NDUFAF2: variants seen among roughly 807,000 people sequenced by gnomAD.
The protein encoded by NDUFAF2 is NADH:ubiquinone oxidoreductase complex assembly factor 2, also known as NADH dehydrogenase [ubiquinone] 1 alpha subcomplex assembly factor 2.
A neutral mutation model predicts 22.8 loss-of-function variants in NDUFAF2; 13 were observed. That is an observed-to-expected ratio of 0.57 (90% confidence interval 0.37 to 0.91). NDUFAF2 has a LOEUF of 0.91. Among genes scored for constraint, NDUFAF2 ranks in the 40% least tolerant of loss-of-function variants. NDUFAF2 has a pLI of 0.01. For missense variants in NDUFAF2, 162 were observed against 195.2 expected (o/e 0.83, Z 1.01); for synonymous variants, 53 against 64.2 (o/e 0.83, Z 0.84).
intron 3 of NDUFAF2, among the ~76,000 whole-genome samples, 185 bp from the exon 4 acceptor site, chr5:61,152,515 TTATG>T (rs1416290841): frequency 2.0e-5 from 3 of 152,146 alleles, no homozygotes; most frequent in East Asian, 3.8e-4. Context: ...ACAGAACTGT[TTATG>T]TAACATTAGT....
In NDUFAF2 at chr5:61,143,993, T is replaced by A. The variant is rs1741095779; in HGVS notation, c.259-8711T>A. 1.3e-5 allele frequency among the ~76,000 whole-genome samples: 2 copies of A among 151,426 alleles called. 1 individual carries two copies. Among genetic ancestry groups the A allele is most frequent in the East Asian group, 3.9e-4 (2 of 5,176 alleles). ...GTGTGTGTGTGTGTGTGTGTGTGTG[T>A]GTGTGTGTGTGTGTGTTCAACCTGC... On this transcript the variant is annotated intron_variant, in intron 3 of 3. Transcript: ENST00000296597.
intron 1 of NDUFAF2, among the ~76,000 whole-genome samples, chr5:61,063,103 C>CATGT (rs978897519): frequency 2.6e-5 from 4 of 152,038 alleles, no homozygotes; most frequent in African/African-American, 9.7e-5. Flanking sequence ...ATCATGAAAA[C>CATGT]ATGTGAAAGT....
At chr5:60,974,791 GTGTT>G (rs140507420) in intron 1 of NDUFAF2, among the ~76,000 whole-genome samples, 1,696 of 152,174 alleles carry the variant, frequency 0.011, 11 homozygotes, top group Middle Eastern at 0.024. Flanking sequence ...ACTGAGATTT[GTGTT>G]TGTTTGTTTG....
Position 61,132,955 on chromosome 5 carries a change from G to A in NDUFAF2, c.259-19749G>A, listed in dbSNP as rs1399262656. Reference sequence around the variant, plus strand: ...CTTCTCCAATCCCATAATAAGAAGGGAAAAGCTTGCACTGTCTTCATAATG... The same window carrying A: ...CTTCTCCAATCCCATAATAAGAAGGAAAAAGCTTGCACTGTCTTCATAATG... On this transcript the variant is annotated intron_variant, in intron 3 of 3. Coordinates refer to ENST00000296597, the MANE Select transcript of NDUFAF2 (RefSeq NM_174889.5). 2.0e-5 allele frequency among the ~76,000 whole-genome samples: 3 copies of A among 147,708 alleles called. No homozygotes were observed. The Admixed American group carries it at 2.1e-4, about 10-fold the overall frequency.
intron 3 of NDUFAF2, among the ~76,000 whole-genome samples, chr5:61,131,888 GTT>G (rs1198306850): frequency 8.7e-5 from 2 of 22,968 alleles, no homozygotes; most frequent in Admixed American, 6.6e-4. Flanking sequence ...GTAGATTTCT[GTT>G]GTTTACATTT....
chr5:60,977,666 G>C (rs557576693), intron 1 of NDUFAF2, among the ~76,000 whole-genome samples: 303 of 151,912 alleles, frequency 2.0e-3, no homozygotes, highest in South Asian at 3.5e-3. Context: ...GTGAAACCCC[G>C]TTTCTACTAA....
rs71578646 is a variant in NDUFAF2, at chr5:61,107,044, T to TACACACACACACACACAC, written c.258+8013_258+8014insCACACACACACACACACA. Reference sequence around the variant, plus strand: ...TCTGATTTCCTTTCCTTTGGATAAATATACACACACACACACACACACACA... The same window carrying TACACACACACACACACAC: ...TCTGATTTCCTTTCCTTTGGATAAATACACACACACACACACACATACACACACACACACACACACACA... On this transcript the variant is annotated intron_variant, in intron 3 of 3. Coordinates refer to ENST00000296597, the MANE Select transcript of NDUFAF2 (RefSeq NM_174889.5). Among the ~76,000 whole-genome samples the TACACACACACACACACAC allele has an allele frequency of 8.7e-3, 561 of 64,654 alleles. 4 individuals carry two copies. Among genetic ancestry groups the TACACACACACACACACAC allele is most frequent in the Non-Finnish European group, 0.012 (406 of 33,658 alleles). The allele number at this position is 64,654 out of a possible 152,430, so 42.4% of individuals were successfully genotyped here.
intron 1 of NDUFAF2, among the ~76,000 whole-genome samples, chr5:60,978,714 T>C (rs762221243): frequency 6.6e-6 from 1 of 152,120 alleles, no homozygotes; most frequent in Non-Finnish European, 1.5e-5. Flanking sequence ...CCAAATCATA[T>C]CAGCAGTCTA....
At chr5:61,040,538 T>C (rs1009060799) in intron 1 of NDUFAF2, among the ~76,000 whole-genome samples, 1 of 152,008 alleles carries the variant, frequency 6.6e-6, no homozygotes, top group African/African-American at 2.4e-5. Flanking sequence ...TTCCTGAACA[T>C]TCTCCCATAA....
At chr5:61,076,388 A>T (rs1224966878) in intron 2 of NDUFAF2, among the ~76,000 whole-genome samples, 2 of 152,146 alleles carry the variant, frequency 1.3e-5, no homozygotes, top group African/African-American at 4.8e-5. Context: ...TGCAGTTTTA[A>T]ATAGTGTTCA....
chr5:61,104,081 C>T, intron 3 of NDUFAF2, among the ~76,000 whole-genome samples: 1 of 152,022 alleles, frequency 6.6e-6, no homozygotes, highest in East Asian at 1.9e-4. Context: ...GTATCAAATG[C>T]ATTTTGACTT....
At position 61,017,553 on chromosome 5, in the gene NDUFAF2, G is replaced by A. The variant is rs189511093; in HGVS notation, c.128-55572G>A. Among the ~76,000 whole-genome samples the A allele has an allele frequency of 1.1e-3, 173 of 152,184 alleles. 1 individual carries two copies. The highest frequency in any genetic ancestry group is 1.2e-3 in the Non-Finnish European group (81 of 67,992). On this transcript the variant is annotated intron_variant, in intron 1 of 3. Coordinates refer to ENST00000296597, the MANE Select transcript of NDUFAF2 (RefSeq NM_174889.5). ...TGGTGGAGCCAGCTTGCACCAGCCCGTTAGAACTGATTGGAAATTTTGTAA... is the reference window on the plus strand; with the variant it reads ...TGGTGGAGCCAGCTTGCACCAGCCCATTAGAACTGATTGGAAATTTTGTAA...
At chr5:61,084,263 C>A (rs1752479037) in intron 2 of NDUFAF2, among the ~76,000 whole-genome samples, 1 of 150,878 alleles carries the variant, frequency 6.6e-6, no homozygotes, top group African/African-American at 2.4e-5. Context: ...TGATTTATTA[C>A]ATTGATTGAT....
chr5:61,082,114 A>G (rs1752450965), intron 2 of NDUFAF2, among the ~76,000 whole-genome samples: 1 of 152,216 alleles, frequency 6.6e-6, no homozygotes. Context: ...CTTAATAAAA[A>G]CAACGATTCA....
At chr5:61,149,652 T>G (rs1741198257) in intron 3 of NDUFAF2, among the ~76,000 whole-genome samples, 1 of 152,216 alleles carries the variant, frequency 6.6e-6, no homozygotes. Flanking sequence ...TGATGAATAT[T>G]TGTTTTTAAA....
intron 1 of NDUFAF2, among the ~76,000 whole-genome samples, chr5:61,010,773 A>G (rs572319526): frequency 6.6e-6 from 1 of 152,298 alleles, no homozygotes; most frequent in South Asian, 2.1e-4. Context: ...GCAAATCACT[A>G]CATTCGCTCT....
At chr5:61,034,521 C>T (rs993808650) in intron 1 of NDUFAF2, among the ~76,000 whole-genome samples, 1 of 151,978 alleles carries the variant, frequency 6.6e-6, no homozygotes, top group Non-Finnish European at 1.5e-5. Flanking sequence ...AGATGTGGTC[C>T]GTCATTGACC....
intron 1 of NDUFAF2, among the ~76,000 whole-genome samples, chr5:61,031,788 G>A (rs1030880944): frequency 1.6e-4 from 25 of 152,134 alleles, no homozygotes; most frequent in Non-Finnish European, 5.9e-5. Context: ...CTAGATCCTT[G>A]AGGAATTGCC....
At chr5:60,979,867 C>T (rs58646987) in intron 1 of NDUFAF2, among the ~76,000 whole-genome samples, 58,686 of 152,012 alleles carry the variant, frequency 0.39, 12,342 homozygotes, top group East Asian at 0.8. Context: ...AGTGAGACCT[C>T]GTGTGTGCTG....
Sources: gnomAD v4.1 joint callset for allele counts (sites outside exome capture counted in the v4.1 genomes callset) on GRCh38, gnomAD v4.1.1 for gene constraint, MANE v1.5 for transcripts, NCBI Gene and HGNC (gene_info 2026-07-23, HGNC 2026-07-21) for gene names.